NDST4: variants seen among roughly 807,000 people sequenced by gnomAD.
NDST4 encodes N-heparan sulfate sulfotransferase 4.
NDST4 carries 63 observed loss-of-function variants against 100.8 expected under a neutral mutation model. The ratio of observed to expected loss-of-function variants is 0.62; its 90% CI spans 0.51 to 0.77. The LOEUF is 0.77. Among genes scored for constraint, NDST4 ranks in the 30% least tolerant of loss-of-function variants. The pLI, the probability that NDST4 is intolerant of heterozygous loss-of-function variation, is 0.00. For missense variants in NDST4, 943 were observed against 1,018.4 expected, an observed-to-expected ratio of 0.93 and a Z score of 1.01; for synonymous variants, 377 against 361.8, an observed-to-expected ratio of 1.04 and a Z score of -0.48.
At chr4:115,048,202 A>C (rs1728505829) in intron 2 of NDST4, among the ~76,000 whole-genome samples, 1 of 152,022 alleles carries the variant, frequency 6.6e-6, no homozygotes, top group Non-Finnish European at 1.5e-5. Context: ...AGGGATAGCC[A>C]TGCAGACTTT....
At chr4:114,992,359 C>T (rs755386562) in intron 2 of NDST4, among the ~76,000 whole-genome samples, 4 of 151,664 alleles carry the variant, frequency 2.6e-5, no homozygotes, top group South Asian at 4.2e-4. Flanking sequence ...TTCTCACTCC[C>T]GCCCCACCAC....
intron 6 of NDST4, among the ~76,000 whole-genome samples, chr4:114,902,313 T>C (rs1724858526): frequency 6.6e-6 from 1 of 151,982 alleles, no homozygotes; most frequent in African/African-American, 2.4e-5. Flanking sequence ...TCTAACAAAG[T>C]CTTTATTTCT....
intron 6 of NDST4, among the ~76,000 whole-genome samples, chr4:114,927,508 TA>T (rs1725410776): frequency 6.6e-6 from 1 of 152,044 alleles, no homozygotes; most frequent in African/African-American, 2.4e-5. Context: ...TCAAAATGAT[TA>T]GGGGCTTTTC....
intron 11 of NDST4, among the ~76,000 whole-genome samples, chr4:114,837,439 A>T (rs1336423403): frequency 6.6e-6 from 1 of 152,182 alleles, no homozygotes; most frequent in Non-Finnish European, 1.5e-5. Flanking sequence ...GTACAAGGCT[A>T]CAGTAACCAA....
chr4:114,883,056 T>C (rs1347437140), intron 6 of NDST4, among the ~76,000 whole-genome samples: 1 of 151,950 alleles, frequency 6.6e-6, no homozygotes, highest in South Asian at 2.1e-4. Context: ...AAAACAGGAA[T>C]TTCTTTGTCA....
intron 4 of NDST4, among the ~76,000 whole-genome samples, chr4:114,963,760 A>G (rs1319232673): frequency 6.6e-6 from 1 of 152,234 alleles, no homozygotes; most frequent in Admixed American, 6.5e-5. Context: ...GCTTTGAAGG[A>G]TGTAATTGAC....
At chr4:114,865,048 T>C (rs1159569588) in intron 7 of NDST4, among the ~76,000 whole-genome samples, 1 of 151,690 alleles carries the variant, frequency 6.6e-6, no homozygotes, top group Non-Finnish European at 1.5e-5. Context: ...CATATTTACT[T>C]TGTAGCGCTA....
chr4:114,870,881 A>T lies in NDST4; in HGVS notation c.1606T>A (p.Leu536Met). ...GTCCAGCTCTGCACAAAGTTGACCA[A>T]GTTCACAAAGGTATATAACCCTAGG... ...DRLGLYTFVN[L>M]VNFVQSWTNL... Residue 536 changes from leucine (L) to methionine (M), a missense_variant, in exon 7 of 14, where the codon TTG becomes ATG. Around this residue, in one of 2 missense-constraint regions of NDST4, gnomAD observed 526 missense variants for 634.1 expected, o/e 0.83. Transcript: ENST00000264363. 6.2e-7 allele frequency: 1 copy of T among 1,613,318 alleles called. No individual in the cohort carries two copies. Among genetic ancestry groups the T allele is most frequent in the Non-Finnish European group, 8.5e-7 (1 of 1,179,480 alleles).
At chr4:114,970,815 T>C (rs1726496904) in intron 3 of NDST4, among the ~76,000 whole-genome samples, 1 of 152,134 alleles carries the variant, frequency 6.6e-6, no homozygotes, top group Non-Finnish European at 1.5e-5. Flanking sequence ...AGTTGTTTAA[T>C]TTAGAATTTA....
intron 2 of NDST4, among the ~76,000 whole-genome samples, chr4:115,036,317 T>G (rs1490118238): frequency 6.6e-6 from 1 of 151,126 alleles, no homozygotes; most frequent in Non-Finnish European, 1.5e-5. Flanking sequence ...AACTAATCAC[T>G]GGTTGTCATG....
At chr4:114,983,766 T>G (rs921791707) in intron 2 of NDST4, among the ~76,000 whole-genome samples, 1 of 152,160 alleles carries the variant, frequency 6.6e-6, no homozygotes, top group Non-Finnish European at 1.5e-5. Context: ...CAGAATGATA[T>G]GGTTGGGCTC....
chr4:114,897,603 A>G (rs1044741381), intron 6 of NDST4, among the ~76,000 whole-genome samples: 14 of 152,164 alleles, frequency 9.2e-5, no homozygotes, highest in African/African-American at 3.4e-4. Flanking sequence ...AAGCAGCATG[A>G]TTGCTGGGTC....
chr4:115,084,812 G>A (rs1276151516), intron 1 of NDST4, among the ~76,000 whole-genome samples: 2 of 152,170 alleles, frequency 1.3e-5, no homozygotes, highest in Non-Finnish European at 2.9e-5. Context: ...GTTTGATGCA[G>A]GGGCAGAGCC....
chr4:114,830,826 G>T (rs899482424), intron 12 of NDST4, among the ~76,000 whole-genome samples: 12 of 152,128 alleles, frequency 7.9e-5, no homozygotes, highest in African/African-American at 2.7e-4. Context: ...ATATTTTGTT[G>T]CCCTGGGCCC....
At chr4:114,860,291 G>T (rs1027831178) in intron 7 of NDST4, among the ~76,000 whole-genome samples, 3 of 151,960 alleles carry the variant, frequency 2.0e-5, no homozygotes, top group Non-Finnish European at 4.4e-5. Context: ...TGTAGTTTTA[G>T]TTCAACTAAC....
chr4:115,110,862 G>T (rs990236691), intron 1 of NDST4, among the ~76,000 whole-genome samples: 1 of 151,950 alleles, frequency 6.6e-6, no homozygotes, highest in African/African-American at 2.4e-5. Context: ...CTTCAGGTTA[G>T]ACTCTAAACA....
intron 2 of NDST4, among the ~76,000 whole-genome samples, chr4:114,994,539 G>T (rs1044095015): frequency 6.6e-6 from 1 of 152,008 alleles, no homozygotes; most frequent in South Asian, 2.1e-4. Context: ...CAGTTACAAG[G>T]AGGTAGGTGC....
At position 115,024,488 on chromosome 4, in the gene NDST4, C is replaced by T. The variant is rs545379403; in HGVS notation, c.979-47214G>A. Among the ~76,000 whole-genome samples, 6 of 152,192 alleles carry T rather than the reference C, an allele frequency of 3.9e-5. No individual in the cohort carries two copies. In the South Asian group the frequency reaches 1.2e-3, roughly 31 times the overall value. On this transcript the variant is annotated intron_variant, in intron 2 of 13. Transcript: ENST00000264363. ...GACTTACTTGGCAGTAGTTACCCAT[C>T]TTTTCTCACCTATTTATTTTATTTT...
At chr4:114,959,715 G>A (rs971610992) in intron 4 of NDST4, among the ~76,000 whole-genome samples, 6 of 151,998 alleles carry the variant, frequency 3.9e-5, no homozygotes, top group Middle Eastern at 6.8e-3. Context: ...CTTGAAAATC[G>A]ATTATGAGAT....
Sources: gnomAD v4.1 joint callset for allele counts (sites outside exome capture counted in the v4.1 genomes callset) on GRCh38, gnomAD v4.1.1 for gene constraint, gnomAD v4.1.1 regional missense constraint, MANE v1.5 for transcripts, NCBI Gene and HGNC (gene_info 2026-07-23, HGNC 2026-07-21) for gene names.